Variants in CA10 observed in about 807,000 individuals in gnomAD.
The protein encoded by CA10 is carbonic anhydrase-related protein 10.
A neutral mutation model predicts 44.2 loss-of-function variants in CA10; 14 were observed. That is an observed-to-expected ratio of 0.32 (90% confidence interval 0.21 to 0.50). The LOEUF is 0.50. Ranked by LOEUF, CA10 falls within the 20% of genes least tolerant of loss-of-function variation. The pLI is 0.99. For synonymous variants in CA10, 159 were observed against 141.6 expected, an observed-to-expected ratio of 1.12 and a Z score of -0.87; for missense variants, 350 against 409.7, an observed-to-expected ratio of 0.85 and a Z score of 1.26.
intron 4 of CA10, among the ~76,000 whole-genome samples, chr17:51,735,791 T>TA (rs1377642754): frequency 2.7e-5 from 4 of 146,548 alleles, no homozygotes; most frequent in Non-Finnish European, 6.0e-5. Flanking sequence ...TATGCCAAAA[T>TA]AAAAAAGTTA....
At chr17:51,866,589 C>T (rs908405053) in intron 3 of CA10, among the ~76,000 whole-genome samples, 1 of 152,226 alleles carries the variant, frequency 6.6e-6, no homozygotes, top group African/African-American at 2.4e-5. Context: ...GCTCCTTCTG[C>T]ACCCTGGACA....
intron 4 of CA10, among the ~76,000 whole-genome samples, chr17:51,683,646 G>A (rs557189555): frequency 6.6e-6 from 1 of 152,280 alleles, no homozygotes; most frequent in East Asian, 1.9e-4. Context: ...CGTGGATGAT[G>A]TGAAAATAAG....
chr17:51,831,719 A>AGCGGCAGCG (rs1365077684), intron 3 of CA10, among the ~76,000 whole-genome samples: 3 of 116,278 alleles, frequency 2.6e-5, no homozygotes, highest in South Asian at 2.8e-4. Context: ...CAGCAGCAGC[A>AGCGGCAGCG]GCAGCAGCAG....
chr17:51,828,823 T>C (rs192644349), intron 3 of CA10, among the ~76,000 whole-genome samples: 1 of 152,338 alleles, frequency 6.6e-6, no homozygotes, highest in East Asian at 1.9e-4. Context: ...TTATGTTGAG[T>C]TGCTTCATCT....
chr17:51,636,108 A>G (rs1286613707), intron 6 of CA10, 99 bp from the exon 7 acceptor site: 4 of 607,630 alleles, frequency 6.6e-6, no homozygotes, highest in Non-Finnish European at 8.2e-6. Flanking sequence ...ATACATATAC[A>G]TACATATATA....
intron 1 of CA10, among the ~76,000 whole-genome samples, chr17:52,079,618 A>G (rs1451418201): frequency 6.6e-6 from 1 of 152,180 alleles, no homozygotes; most frequent in Non-Finnish European, 1.5e-5. Context: ...GTCTCTATCC[A>G]AAGACTTGTG....
chr17:52,151,030 T>C (rs1296413546), intron 1 of CA10, among the ~76,000 whole-genome samples: 3 of 152,072 alleles, frequency 2.0e-5, no homozygotes, highest in Non-Finnish European at 4.4e-5. Flanking sequence ...CAAGAATAAA[T>C]GTTGACAGAA....
intron 2 of CA10, among the ~76,000 whole-genome samples, chr17:52,043,147 G>A (rs548067110): frequency 2.4e-4 from 36 of 152,078 alleles, no homozygotes; most frequent in Non-Finnish European, 4.9e-4. Flanking sequence ...CTGGAATTGT[G>A]TTGAATCTGT....
At chr17:51,762,515 C>T (rs1905243407) in intron 3 of CA10, 1 of 152,166 alleles carries the variant, frequency 6.6e-6, no homozygotes, top group African/African-American at 2.4e-5. Context: ...AAGGGAGTGG[C>T]AATTGTCATG....
At position 51,962,380 on chromosome 17, in the gene CA10, C is replaced by G. The variant is rs1392753598; in HGVS notation, c.137-31248G>C. 7.2e-5 allele frequency among the ~76,000 whole-genome samples: 11 copies of G among 152,240 alleles called. No individual in the cohort carries two copies. The East Asian group carries it at 2.1e-3, about 29-fold the overall frequency. Reference sequence around the variant, plus strand: ...ATGCATGTGGCTGACACTGGGGGACCTGTACATGGGCCTGCCCGGTCTGAC... The same window carrying G: ...ATGCATGTGGCTGACACTGGGGGACGTGTACATGGGCCTGCCCGGTCTGAC... On this transcript the variant is annotated intron_variant, in intron 2 of 8. Transcript: ENST00000451037.
At position 51,679,562 on chromosome 17, in the gene CA10, A is replaced by AT. The variant is rs58947305; in HGVS notation, c.466-25827dup. On this transcript the variant is annotated intron_variant, in intron 4 of 8. Transcript: ENST00000451037. ...AGGCATGAGCCACCGTGCCTGGCCT[A>AT]TTTTTTTTTTTTTTTTAAGACAGAG... Among the ~76,000 whole-genome samples, 137 of 140,946 alleles carry AT rather than the reference A, an allele frequency of 9.7e-4. 1 individual carries two copies. The highest frequency in any genetic ancestry group is 3.8e-3 in the Middle Eastern group (1 of 262). The allele number at this position is 140,946 out of a possible 152,430, so 92.5% of individuals were successfully genotyped here. A position where few individuals can be genotyped will look rare whatever the true frequency, so the allele number is the denominator to read the frequency against.
Position 51,795,410 on chromosome 17 carries a change from G to C in CA10, c.280-47592C>G, listed in dbSNP as rs903629694. Reference sequence around the variant, plus strand: ...AGCAATGGAGTTACACATTTTGGAAGAGCTTTTTAGCCAGAGAAAAGGAAA... The same window carrying C: ...AGCAATGGAGTTACACATTTTGGAACAGCTTTTTAGCCAGAGAAAAGGAAA... On this transcript the variant is annotated intron_variant, in intron 3 of 8. Coordinates refer to ENST00000451037, the MANE Select transcript of CA10 (RefSeq NM_020178.5). 3.3e-5 allele frequency among the ~76,000 whole-genome samples: 5 copies of C among 152,014 alleles called. 1 individual carries two copies. The South Asian group carries it at 1.0e-3, about 32-fold the overall frequency.
intron 2 of CA10, among the ~76,000 whole-genome samples, chr17:51,999,461 G>A (rs934354587): frequency 7.2e-5 from 11 of 152,066 alleles, no homozygotes; most frequent in Non-Finnish European, 4.4e-5. Flanking sequence ...TAAGGTGTCA[G>A]CCATGTTCTT....
intron 3 of CA10, among the ~76,000 whole-genome samples, chr17:51,792,165 G>A (rs892885522): frequency 2.6e-5 from 4 of 152,186 alleles, no homozygotes; most frequent in South Asian, 2.1e-4. Flanking sequence ...TTACTTTCTC[G>A]GTTTTACCAA....
At position 52,003,750 on chromosome 17, in the gene CA10, T is replaced by C. The variant is rs563380592; in HGVS notation, c.136+68569A>G. Among the ~76,000 whole-genome samples, 8 of 151,980 alleles carry C rather than the reference T, an allele frequency of 5.3e-5. No homozygotes were observed. In the East Asian group the frequency reaches 1.6e-3, roughly 30 times the overall value. On this transcript the variant is annotated intron_variant, in intron 2 of 8. Coordinates refer to ENST00000451037, the MANE Select transcript of CA10 (RefSeq NM_020178.5). ...ATGGATACACTTAGTTGCAATGACT[T>C]TAAGGAAAAGGCAGAGAAAGAGACC...
At chr17:51,987,968 C>A (rs558341799) in intron 2 of CA10, among the ~76,000 whole-genome samples, 1 of 152,042 alleles carries the variant, frequency 6.6e-6, no homozygotes, top group East Asian at 1.9e-4. Context: ...ATAAAATCTT[C>A]TCTGCTTCTT....
intron 1 of CA10, among the ~76,000 whole-genome samples, chr17:52,122,630 CT>C (rs1182506285): frequency 6.6e-6 from 1 of 152,138 alleles, no homozygotes; most frequent in Admixed American, 6.5e-5. Context: ...GTATTGTCTT[CT>C]GATATAGCCT....
At chr17:52,125,431 C>G (rs1357706716) in intron 1 of CA10, among the ~76,000 whole-genome samples, 1 of 152,156 alleles carries the variant, frequency 6.6e-6, no homozygotes, top group Non-Finnish European at 1.5e-5. Flanking sequence ...AAGAACCTAT[C>G]AAGGAAAACA....
chr17:51,853,179 A>AT (rs1200743362), intron 3 of CA10, among the ~76,000 whole-genome samples: 1 of 152,220 alleles, frequency 6.6e-6, no homozygotes, highest in Non-Finnish European at 1.5e-5. Flanking sequence ...AAGAGAGAAT[A>AT]TTTTTAAAGT....
Sources: allele counts gnomAD v4.1 joint callset (sites outside exome capture counted in the v4.1 genomes callset), GRCh38; gene constraint gnomAD v4.1.1; transcripts MANE v1.5; gene names NCBI Gene and HGNC (gene_info 2026-07-23, HGNC 2026-07-21).